Variants in EI24 observed in about 807,000 individuals in gnomAD.
EI24 encodes etoposide-induced protein 2.4 homolog.
EI24 carries 21 observed loss-of-function variants against 48.6 expected under a neutral mutation model. The observed-to-expected ratio is 0.43, with a 90% CI of 0.31 to 0.62. The LOEUF (loss-of-function observed/expected upper bound fraction) is 0.62, where lower values mean the gene tolerates loss of function less well. Ranked by LOEUF, EI24 falls within the 20% of genes least tolerant of loss-of-function variation. EI24 has a pLI of 0.10. For missense variants in EI24, 280 were observed against 410.5 expected (o/e 0.68, Z 2.75); for synonymous variants, 114 against 145.5 (o/e 0.78, Z 1.56).
intron 1 of EI24, 136 bp from the exon 2 acceptor site, chr11:125,572,322 T>A: frequency 1.8e-6 from 1 of 545,218 alleles, no homozygotes; most frequent in East Asian, 2.8e-5. Flanking sequence ...CTTCACTTGA[T>A]TCACTCTATT....
At chr11:125,569,674 G>C (rs1274278022) in intron 1 of EI24, 101 bp downstream of exon 1, 2 of 318,368 alleles carry the variant, frequency 6.3e-6, no homozygotes, top group Non-Finnish European at 1.1e-5. Flanking sequence ...GTGGGTTGGT[G>C]GGGCTACCGG....
At chr11:125,579,153 T>C in intron 7 of EI24, 85 bp downstream of exon 7, 1 of 1,338,410 alleles carries the variant, frequency 7.5e-7, no homozygotes, top group Non-Finnish European at 1.0e-6. Context: ...AGACAGAGTA[T>C]TATATTTATA....
intron 8 of EI24, among the ~76,000 whole-genome samples, chr11:125,580,464 G>T (rs1008977176): frequency 2.6e-5 from 4 of 152,184 alleles, no homozygotes; most frequent in African/African-American, 9.7e-5. Context: ...TGGCATAAAT[G>T]AGCATGAGTT....
rs7109842 is a variant in EI24, at chr11:125,580,053, C to T, written c.562-40C>T. 7,002 of 1,505,404 alleles carry T rather than the reference C, an allele frequency of 4.7e-3. 204 individuals carry two copies. In the African/African-American group the frequency reaches 0.07, roughly 15 times the overall value. 93.3% of individuals were successfully genotyped at this position (1,505,404 alleles called of 1,614,324 possible). A position where few individuals can be genotyped will look rare whatever the true frequency, so the allele number is the denominator to read the frequency against. ...TGACAGGTGAATGGTGCTAGGTTTC[C>T]GAGGCTTTGGGATTAAGATTTTCCA... On this transcript the variant is annotated intron_variant, in intron 7 of 10. Transcript: ENST00000278903.
At chr11:125,577,828 T>C in intron 5 of EI24, 1 of 562,264 alleles carries the variant, frequency 1.8e-6, no homozygotes, top group Non-Finnish European at 3.1e-6. Context: ...GAGGCAAAGC[T>C]GAGATTTAAA....
At position 125,584,259 on chromosome 11, in the gene EI24, A is replaced by AAAAAAAAAT. The variant is rs1555055547; in HGVS notation, c.*579_*580insAAAAATAAA. The AAAAAAAAAT allele has an allele frequency of 7.4e-6, 1 of 135,698 alleles. No individual in the cohort carries two copies. The highest frequency in any genetic ancestry group is 1.6e-5 in the Non-Finnish European group (1 of 62,018). The allele number at this position is 135,698 out of a possible 1,614,324, so 8.4% of individuals were successfully genotyped here. A position where few individuals can be genotyped will look rare whatever the true frequency, so the allele number is the denominator to read the frequency against. On this transcript the variant is annotated 3_prime_UTR_variant, in exon 11 of 11. Transcript: ENST00000278903. ...AAAAAAAAAAAAAAAAAAAAAAAAA[A>AAAAAAAAAT]AAAGCCTGAAGAGATGAGATAGGAG... is the stretch of plus-strand genomic sequence containing the variant.
intron 4 of EI24, 121 bp from the exon 5 acceptor site, chr11:125,577,383 C>T: frequency 1.0e-6 from 1 of 972,634 alleles, no homozygotes; most frequent in Non-Finnish European, 1.6e-6. Context: ...GCCACCGCGC[C>T]CGGCCTAGGC....
intron 2 of EI24, 115 bp downstream of exon 2, chr11:125,572,684 T>G: frequency 1.0e-6 from 1 of 978,136 alleles, no homozygotes; most frequent in East Asian, 2.6e-5. Context: ...TCTTGGGTTC[T>G]TTACATAAAG....
intron 10 of EI24, among the ~76,000 whole-genome samples, chr11:125,583,121 G>C (rs1238267329): frequency 6.6e-6 from 1 of 151,622 alleles, no homozygotes; most frequent in African/African-American, 2.4e-5. Context: ...TTTTTTTTGA[G>C]ACGGAGTCTC....
chr11:125,571,004 G>A (rs887655124), intron 1 of EI24, among the ~76,000 whole-genome samples: 1 of 152,192 alleles, frequency 6.6e-6, no homozygotes, highest in African/African-American at 2.4e-5. Context: ...ACTTCTATCC[G>A]AAGTGAGCCT....
At chr11:125,576,419 C>A in intron 4 of EI24, 104 bp downstream of exon 4, 1 of 1,014,214 alleles carries the variant, frequency 9.9e-7, no homozygotes, top group Non-Finnish European at 1.5e-6. Flanking sequence ...TAGTTTTCAT[C>A]TGCTGATGTA....
chr11:125,580,459 T>C (rs1378255075), intron 8 of EI24, among the ~76,000 whole-genome samples: 1 of 152,204 alleles, frequency 6.6e-6, no homozygotes, highest in Non-Finnish European at 1.5e-5. Context: ...TAAGATGGCA[T>C]AAATGAGCAT....
At chr11:125,583,494 TAAC>T in intron 10 of EI24, 24 bp from the exon 11 acceptor site, 1 of 1,532,620 alleles carries the variant, frequency 6.5e-7, no homozygotes, top group Non-Finnish European at 8.8e-7. Context: ...ACTGGGGAGC[TAAC>T]AAGTTGGGTT....
rs1233934373 is a variant in EI24 at position 125,583,648 on chromosome 11, T to A, written c.988T>A (p.Ser330Thr). ...SAEKFPSPHP[S>T]PAKLKATAGH ...AGAGAAGTTCCCTTCACCGCATCCG[T>A]CGCCTGCCAAACTGAAGGCTACTGC... Residue 330 changes from serine (S) to threonine (T), a missense_variant, in exon 11 of 11, where the codon TCG (serine) becomes ACG (threonine). By Grantham distance (58) the Ser-to-Thr change is moderately conservative (BLOSUM62 1). Around this residue, in one of 3 missense-constraint regions of EI24, gnomAD observed 62 missense variants for 65.1 expected, o/e 0.95. Transcript: ENST00000278903. 1 of 1,613,402 alleles carries A rather than the reference T, an allele frequency of 6.2e-7. No homozygotes were observed. Among genetic ancestry groups the A allele is most frequent in the Non-Finnish European group, 8.5e-7 (1 of 1,179,688 alleles).
intron 4 of EI24, 96 bp downstream of exon 4, chr11:125,576,411 G>A: frequency 1.9e-6 from 2 of 1,076,772 alleles, no homozygotes; most frequent in Non-Finnish European, 2.8e-6. Context: ...GAGACAAATA[G>A]TTTTCATCTG....
chr11:125,573,822 C>T (rs950089248), intron 2 of EI24, among the ~76,000 whole-genome samples: 1 of 150,456 alleles, frequency 6.6e-6, no homozygotes, highest in African/African-American at 2.4e-5. Flanking sequence ...GCTGGGATTA[C>T]AAGCACACAC....
rs544547775 is a variant in EI24 at position 125,579,083 on chromosome 11, C to G, written c.561+15C>G. ...TCCTCATTCAGGTGAGACTGACCTT[C>G]TGGGCATATGGGCAGCTTTATTAAA... On this transcript the variant is annotated intron_variant, in intron 7 of 10. Coordinates refer to ENST00000278903, the MANE Select transcript of EI24 (RefSeq NM_004879.5). 1.9e-6 allele frequency: 3 copies of G among 1,554,596 alleles called. No homozygotes were observed. The highest frequency in any genetic ancestry group is 2.6e-6 in the Non-Finnish European group (3 of 1,148,790).
rs930359912 is a variant in EI24, at chr11:125,584,422, TACA to T, written c.*746_*748del. The T allele has an allele frequency of 3.9e-5, 6 of 152,730 alleles. No homozygotes were observed. The highest frequency in any genetic ancestry group is 2.1e-4 in the South Asian group (1 of 4,828). The allele number at this position is 152,730 out of a possible 1,614,324, so 9.5% of individuals were successfully genotyped here. A position where few individuals can be genotyped will look rare whatever the true frequency, so the allele number is the denominator to read the frequency against. ...GGTACCAATTCTGGACAAGTGCCAC[TACA>T]ACAACACTAAACCTGAACTTTTCAA... On this transcript the variant is annotated 3_prime_UTR_variant, in exon 11 of 11. Transcript: ENST00000278903.
chr11:125,575,238 A>G (rs1267745478), intron 2 of EI24, 25 bp from the exon 3 acceptor site: 1 of 1,517,206 alleles, frequency 6.6e-7, no homozygotes, highest in Admixed American at 2.0e-5. Context: ...AATAATAATA[A>G]TAATAATGAT....
Sources: allele counts gnomAD v4.1 joint callset (sites outside exome capture counted in the v4.1 genomes callset), GRCh38; gene constraint gnomAD v4.1.1; regional missense constraint gnomAD v4.1.1; transcripts MANE v1.5; gene names NCBI Gene and HGNC (gene_info 2026-07-23, HGNC 2026-07-21).